Variants in MAN1B1 observed in about 807,000 individuals in gnomAD.
MAN1B1 encodes the protein mannosidase alpha class 1B member 1, also known as endoplasmic reticulum mannosyl-oligosaccharide 1,2-alpha-mannosidase.
In MAN1B1, 66 loss-of-function variants were observed where a neutral mutation model predicts 75.5. That is an observed-to-expected ratio of 0.87 (90% CI 0.72 to 1.07). The LOEUF (loss-of-function observed/expected upper bound fraction) is 1.07. Among genes scored for constraint, MAN1B1 ranks in the 50% least tolerant of loss-of-function variants. The pLI, the probability that MAN1B1 is intolerant of heterozygous loss-of-function variation, is 0.00. For missense variants in MAN1B1, 973 were observed against 912.5 expected (o/e 1.07, Z -0.85); for synonymous variants, 453 against 382.8 (o/e 1.18, Z -2.14).
chr9:137,098,008 C>A, intron 5 of MAN1B1, 71 bp downstream of exon 5: 1 of 1,238,820 alleles, frequency 8.1e-7, no homozygotes, highest in Non-Finnish European at 1.2e-6. Context: ...CAGGCTTCGT[C>A]TCAGCCATGG....
At position 137,109,089 on chromosome 9, in the gene MAN1B1, G is replaced by T. The variant is rs886063734; in HGVS notation, c.*498G>T. 1 of 455,662 alleles carries T rather than the reference G, an allele frequency of 2.2e-6. No homozygotes were observed. The highest frequency in any genetic ancestry group is 6.9e-5 in the East Asian group (1 of 14,414). 28.2% of individuals were successfully genotyped at this position (455,662 alleles called of 1,614,324 possible). On this transcript the variant is annotated 3_prime_UTR_variant, in exon 13 of 13. Transcript: ENST00000371589. ...AGGGATCCTCCTGGCCGCCCCGCAG[G>T]GGGCTTGGAGGGCTGGACGGCAAGT...
intron 5 of MAN1B1, 135 bp from the exon 6 acceptor site, chr9:137,099,561 C>T (rs989887747): frequency 2.6e-5 from 24 of 927,368 alleles, no homozygotes; most frequent in African/African-American, 8.1e-5. Flanking sequence ...TGCCCACCAC[C>T]GCCCTTCCCG....
rs746110299 is a variant in MAN1B1 at position 137,107,465 on chromosome 9, T to C, written c.1764+18T>C. 6.2e-7 allele frequency: 1 copy of C among 1,613,070 alleles called. No homozygotes were observed. Among genetic ancestry groups the C allele is most frequent in the Non-Finnish European group, 8.5e-7 (1 of 1,179,922 alleles). The stretch of plus-strand genomic sequence containing the variant: ...AGGTCAAGGTGGGCCTGGGCCTGGG[T>C]CAGGGTCCATCAGGAGGAGGGTGCT... On this transcript the variant is annotated intron_variant, in intron 11 of 12. Transcript: ENST00000371589.
Position 137,109,007 on chromosome 9 carries a change from C to T in MAN1B1, c.*416C>T, listed in dbSNP as rs915237374. On this transcript the variant is annotated 3_prime_UTR_variant, in exon 13 of 13. Coordinates refer to ENST00000371589, the MANE Select transcript of MAN1B1 (RefSeq NM_016219.5). ...CAATCCAAGGGTCTGGAGGGGCTGCCGTGACTCCAGAGGCCTGAGGCTCCA... is the reference window on the plus strand; with the variant it reads ...CAATCCAAGGGTCTGGAGGGGCTGCTGTGACTCCAGAGGCCTGAGGCTCCA... The T allele has an allele frequency of 7.4e-5, 34 of 459,932 alleles. No homozygotes were observed. The highest frequency in any genetic ancestry group is 5.0e-4 in the African/African-American group (25 of 50,176). The allele number at this position is 459,932 out of a possible 1,614,324, so 28.5% of individuals were successfully genotyped here. A position where few individuals can be genotyped will look rare whatever the true frequency, so the allele number is the denominator to read the frequency against.
chr9:137,097,601 C>T (rs963616536), intron 4 of MAN1B1, among the ~76,000 whole-genome samples: 22 of 152,178 alleles, frequency 1.4e-4, no homozygotes, highest in Admixed American at 8.5e-4. Context: ...TGGTCTCTGA[C>T]CTCAGGCCAG....
rs759416720 is a variant in MAN1B1, at chr9:137,108,620, G to A, written c.*29G>A. On this transcript the variant is annotated 3_prime_UTR_variant, in exon 13 of 13. Coordinates refer to ENST00000371589, the MANE Select transcript of MAN1B1 (RefSeq NM_016219.5). ...GGATGGCTGCTGGTGTGGGGACTTCGGGTGGGCAGAGGCACCTTGCTGGGT... is the reference window on the plus strand; with the variant it reads ...GGATGGCTGCTGGTGTGGGGACTTCAGGTGGGCAGAGGCACCTTGCTGGGT... The A allele has an allele frequency of 2.2e-5, 36 of 1,608,476 alleles. No homozygotes were observed. The South Asian group carries it at 2.3e-4, about 10-fold the overall frequency.
chr9:137,107,965 G>A (rs1831179520), intron 12 of MAN1B1: 2 of 630,770 alleles, frequency 3.2e-6, no homozygotes, highest in Non-Finnish European at 5.8e-6. Context: ...CAGTTTAGGA[G>A]GCACACGCAC....
At chr9:137,088,336 A>T (rs756405113) in intron 2 of MAN1B1, 153 bp downstream of exon 2, 37 of 1,600,466 alleles carry the variant, frequency 2.3e-5, no homozygotes, top group Non-Finnish European at 3.1e-5. Context: ...AGCTGTATGT[A>T]ACCACCTGGC....
rs768531325 is a variant in MAN1B1 at position 137,101,635 on chromosome 9, G to A, written c.1217G>A (p.Arg406Gln). 1.4e-5 allele frequency: 22 copies of A among 1,613,236 alleles called. No individual in the cohort carries two copies. Among genetic ancestry groups the A allele is most frequent in the Middle Eastern group, 1.6e-4 (1 of 6,062 alleles). ...GTGACCAGCATTCAGCTGGAGTTCC[G>A]GGAGCTCTCCCGTCTCACAGGGGAT... ...AEVTSIQLEF[R>Q]ELSRLTGDKK... Residue 406 changes from arginine to glutamine, a missense_variant, in exon 8 of 13, where the codon CGG (arginine) becomes CAG (glutamine). By Grantham distance (43) the Arg-to-Gln change is conservative (BLOSUM62 1). Transcript: ENST00000371589.
intron 5 of MAN1B1, among the ~76,000 whole-genome samples, chr9:137,098,255 G>T (rs573041968): frequency 6.6e-6 from 1 of 152,254 alleles, no homozygotes; most frequent in Non-Finnish European, 1.5e-5. Flanking sequence ...CCAGTCCCAG[G>T]CAGCTCTGGG....
chr9:137,089,050 A>G, intron 3 of MAN1B1, 45 bp downstream of exon 3: 2 of 1,611,658 alleles, frequency 1.2e-6, no homozygotes, highest in Non-Finnish European at 1.7e-6. Flanking sequence ...GGTTCAATCC[A>G]GAGGCATTTC....
chr9:137,094,420 T>G (rs371721721), intron 3 of MAN1B1: 2 of 501,750 alleles, frequency 4.0e-6, no homozygotes, highest in East Asian at 1.1e-4. Flanking sequence ...AAGAGGACAG[T>G]GATTGCATGA....
In MAN1B1 at chr9:137,103,643, TACAC is replaced by T. The variant is rs753145917; in HGVS notation, c.1254+1975_1254+1978del. The T allele has an allele frequency of 1.7e-3, 642 of 373,680 alleles. 3 individuals carry two copies. In the East Asian group the frequency reaches 0.038, roughly 22 times the overall value. 23.1% of individuals were successfully genotyped at this position (373,680 alleles called of 1,614,324 possible). On this transcript the variant is annotated intron_variant, in intron 8 of 12. Transcript: ENST00000371589. Reference sequence around the variant, plus strand: ...CTGTTGCAGGCGTGCAGGTCGGTGTTACACACATTCACACTTGCAGGCGTGCAGG... The same window carrying T: ...CTGTTGCAGGCGTGCAGGTCGGTGTTACATTCACACTTGCAGGCGTGCAGG...
At chr9:137,091,506 AT>A (rs1246408773) in intron 3 of MAN1B1, among the ~76,000 whole-genome samples, 1 of 144,712 alleles carries the variant, frequency 6.9e-6, no homozygotes, top group African/African-American at 2.5e-5. Flanking sequence ...TTGAGTTCAA[AT>A]TTTTTTGTTT....
At chr9:137,099,668 A>ATGGCC in intron 5 of MAN1B1, 28 bp from the exon 6 acceptor site, 1 of 1,613,348 alleles carries the variant, frequency 6.2e-7, no homozygotes, top group Non-Finnish European at 8.5e-7. Flanking sequence ...CACGTCCGCC[A>ATGGCC]TGGCCTGTGC....
intron 8 of MAN1B1, chr9:137,102,582 C>T (rs1401817232): frequency 2.2e-5 from 9 of 403,472 alleles, no homozygotes; most frequent in African/African-American, 7.9e-5. Context: ...ATGTGCAGGT[C>T]GGTGCTGTTA....
intron 8 of MAN1B1, chr9:137,103,122 C>T (rs1830938720): frequency 4.5e-6 from 2 of 442,722 alleles, no homozygotes; most frequent in Non-Finnish European, 4.5e-6. Flanking sequence ...CATGCTGTTG[C>T]AGGCGTGCAG....
intron 2 of MAN1B1, chr9:137,088,386 C>T (rs988260275): frequency 6.3e-7 from 1 of 1,582,640 alleles, no homozygotes; most frequent in Non-Finnish European, 8.5e-7. Flanking sequence ...TGACTACTTT[C>T]TAGGTCTCTG....
chr9:137,098,114 G>A (rs771853087), intron 5 of MAN1B1, among the ~76,000 whole-genome samples, 177 bp downstream of exon 5: 6 of 152,242 alleles, frequency 3.9e-5, no homozygotes, highest in African/African-American at 1.2e-4. Context: ...ACACCATGTG[G>A]CTCTTGGCCT....
Sources: allele counts gnomAD v4.1 joint callset (sites outside exome capture counted in the v4.1 genomes callset), GRCh38; gene constraint gnomAD v4.1.1; transcripts MANE v1.5; gene names NCBI Gene and HGNC (gene_info 2026-07-23, HGNC 2026-07-21).